SKAP1: variants seen among roughly 807,000 people sequenced by gnomAD.
SKAP1 encodes src kinase associated phosphoprotein 1, also known as src kinase-associated phosphoprotein 1.
A neutral mutation model predicts 58.5 loss-of-function variants in SKAP1; 44 were observed. That is an observed-to-expected ratio of 0.75 (90% CI 0.59 to 0.97). The LOEUF is 0.97. Ranked by LOEUF, SKAP1 falls within the 50% of genes least tolerant of loss-of-function variation. SKAP1 has a pLI of 0.00. For synonymous variants in SKAP1, 127 were observed against 149.7 expected (o/e 0.85, Z 1.11); for missense variants, 390 against 435.2 (o/e 0.90, Z 0.92).
intron 9 of SKAP1, among the ~76,000 whole-genome samples, chr17:48,177,766 A>G (rs1168681236): frequency 6.6e-6 from 1 of 152,318 alleles, no homozygotes; most frequent in Non-Finnish European, 1.5e-5. Flanking sequence ...TCATATCATA[A>G]TTAAATGCCA....
intron 1 of SKAP1, among the ~76,000 whole-genome samples, chr17:48,403,721 T>C (rs2067532193): frequency 6.6e-6 from 1 of 151,882 alleles, no homozygotes; most frequent in African/African-American, 2.4e-5. Context: ...AAGGAGAAAA[T>C]CTTCTGAAGT....
At chr17:48,170,494 G>A in intron 10 of SKAP1, 115 bp downstream of exon 10, 1 of 889,288 alleles carries the variant, frequency 1.1e-6, no homozygotes, top group Non-Finnish European at 1.9e-6. Context: ...TCACACACAG[G>A]TACCCTCTTA....
intron 4 of SKAP1, among the ~76,000 whole-genome samples, chr17:48,224,075 A>G (rs1598442390): frequency 2.3e-5 from 1 of 43,384 alleles, no homozygotes; most frequent in Non-Finnish European, 4.4e-5. Flanking sequence ...GAGAAGGAGG[A>G]GGAGGAGGAG....
intron 11 of SKAP1, among the ~76,000 whole-genome samples, chr17:48,159,899 A>T (rs1321996219): frequency 6.6e-6 from 1 of 152,206 alleles, no homozygotes; most frequent in African/African-American, 2.4e-5. Context: ...GGGAAAGTTC[A>T]GCTGAGCTCT....
intron 4 of SKAP1, among the ~76,000 whole-genome samples, chr17:48,342,984 C>CA (rs1490680064): frequency 6.6e-6 from 1 of 150,632 alleles, no homozygotes; most frequent in Non-Finnish European, 1.5e-5. Context: ...AACTCTGTCT[C>CA]AAAAAAAATA....
chr17:48,412,583 G>A (rs561572839), intron 1 of SKAP1, among the ~76,000 whole-genome samples: 130 of 152,170 alleles, frequency 8.5e-4, no homozygotes, highest in African/African-American at 3.0e-3. Context: ...TACAGGAGGT[G>A]GAGTGTTAAA....
At chr17:48,198,204 C>T (rs1043079590) in intron 4 of SKAP1, among the ~76,000 whole-genome samples, 1 of 151,974 alleles carries the variant, frequency 6.6e-6, no homozygotes, top group Admixed American at 6.6e-5. Flanking sequence ...GCCTGTAATC[C>T]TAGCACTTTG....
At chr17:48,339,875 A>G (rs752350345) in intron 4 of SKAP1, among the ~76,000 whole-genome samples, 3 of 152,080 alleles carry the variant, frequency 2.0e-5, no homozygotes, top group Non-Finnish European at 4.4e-5. Flanking sequence ...CATTTTTTAT[A>G]CTCACTGAGT....
rs117440498 is a variant in SKAP1, at chr17:48,392,124, T to G, written c.152+4556A>C. The stretch of plus-strand genomic sequence containing the variant: ...TTCCTATAATACAAAAATATCAGAA[T>G]TATACATTCTTAAGCTAAATCTTGT... On this transcript the variant is annotated intron_variant, in intron 2 of 12. Coordinates refer to ENST00000336915, the MANE Select transcript of SKAP1 (RefSeq NM_003726.4). 9.0e-4 allele frequency among the ~76,000 whole-genome samples: 137 copies of G among 152,292 alleles called. No individual in the cohort carries two copies. In the East Asian group the frequency reaches 0.024, roughly 27 times the overall value.
At chr17:48,272,518 A>T (rs763021452) in intron 4 of SKAP1, among the ~76,000 whole-genome samples, 4 of 152,110 alleles carry the variant, frequency 2.6e-5, no homozygotes, top group Admixed American at 6.5e-5. Flanking sequence ...CTAGGGACAA[A>T]GAACTATCTA....
chr17:48,184,929 A>G, intron 6 of SKAP1, 82 bp from the exon 7 acceptor site: 1 of 1,415,038 alleles, frequency 7.1e-7, no homozygotes, highest in South Asian at 1.3e-5. Flanking sequence ...GTAAAATAAA[A>G]GCACAGAAAC....
chr17:48,413,514 C>CAAAAAA (rs1222640261), intron 1 of SKAP1, among the ~76,000 whole-genome samples: 3 of 99,966 alleles, frequency 3.0e-5, no homozygotes, highest in African/African-American at 1.5e-4. Flanking sequence ...AACTCCGTCT[C>CAAAAAA]AAAAAAAAAA....
chr17:48,210,632 T>C, intron 4 of SKAP1, among the ~76,000 whole-genome samples: 1 of 152,152 alleles, frequency 6.6e-6, no homozygotes. Flanking sequence ...CACAGCAATT[T>C]TAACAAACTA....
chr17:48,443,823 A>T, the SKAP1 span, among the ~76,000 whole-genome samples: 5 of 152,152 alleles, frequency 3.3e-5, no homozygotes, highest in Non-Finnish European at 4.4e-5. Flanking sequence ...TTTCAAACTT[A>T]CAGAAAAGTT....
chr17:48,326,427 G>A (rs558345778), intron 4 of SKAP1, among the ~76,000 whole-genome samples: 3 of 152,204 alleles, frequency 2.0e-5, no homozygotes, highest in South Asian at 4.2e-4. Flanking sequence ...TGGCTCAGGC[G>A]CCTCAATCTT....
chr17:48,134,404 C>T (rs1277090705), intron 12 of SKAP1, among the ~76,000 whole-genome samples: 6 of 152,112 alleles, frequency 3.9e-5, no homozygotes, highest in East Asian at 1.9e-4. Context: ...CTGCAACCTC[C>T]GCCTCGTGGA....
intron 4 of SKAP1, among the ~76,000 whole-genome samples, chr17:48,265,291 G>A (rs1598486170): frequency 6.6e-6 from 1 of 152,152 alleles, no homozygotes; most frequent in East Asian, 1.9e-4. Flanking sequence ...GGATCACGAG[G>A]TCAGGAGTTC....
intron 4 of SKAP1, among the ~76,000 whole-genome samples, chr17:48,334,611 G>A (rs1598582971): frequency 6.6e-6 from 1 of 151,460 alleles, no homozygotes; most frequent in Admixed American, 6.6e-5. Flanking sequence ...GGCCCAGCAG[G>A]TATCTAAGAA....
At chr17:48,324,949 G>A (rs2066414007) in intron 4 of SKAP1, among the ~76,000 whole-genome samples, 1 of 151,842 alleles carries the variant, frequency 6.6e-6, no homozygotes, top group Non-Finnish European at 1.5e-5. Flanking sequence ...GCTCTTTTAA[G>A]ACATAATTAA....
Sources: allele counts gnomAD v4.1 joint callset (sites outside exome capture counted in the v4.1 genomes callset), GRCh38; gene constraint gnomAD v4.1.1; transcripts MANE v1.5; gene names NCBI Gene and HGNC (gene_info 2026-07-23, HGNC 2026-07-21).